Variants in ALG10 observed in about 807,000 individuals in gnomAD.
The protein encoded by ALG10 is ALG10 alpha-1,2-glucosyltransferase, also known as dol-P-Glc:Glc(2)Man(9)GlcNAc(2)-PP-Dol alpha-1,2-glucosyltransferase A.
Under a neutral mutation model 39.2 loss-of-function variants are expected in ALG10, and 25 were observed. That is an observed-to-expected ratio of 0.64 (90% CI 0.46 to 0.89). The LOEUF (loss-of-function observed/expected upper bound fraction) is 0.89, where lower values mean the gene tolerates loss of function less well. Among genes scored for constraint, ALG10 ranks in the 40% least tolerant of loss-of-function variants. The probability of loss-of-function intolerance (pLI) is 0.00; values close to 1 mark genes in which losing one functional copy is unlikely to be tolerated. For missense variants in ALG10, 486 were observed against 546.6 expected, an observed-to-expected ratio of 0.89 and a Z score of 1.11; for synonymous variants, 184 against 193.9, an observed-to-expected ratio of 0.95 and a Z score of 0.42.
intron 1 of ALG10, chr12:34,023,583 G>T: frequency 3.1e-6 from 1 of 323,402 alleles, no homozygotes; most frequent in Non-Finnish European, 5.9e-6. Flanking sequence ...TATGTTAGCT[G>T]TCATCATGGA....
chr12:34,027,066 A>G lies in ALG10; in HGVS notation c.*151A>G, dbSNP rs1016758974. 5.1e-6 allele frequency: 4 copies of G among 787,656 alleles called. No homozygotes were observed. In the African/African-American group the frequency reaches 7.2e-5, roughly 14 times the overall value. The allele number at this position is 787,656 out of a possible 1,614,324, so 48.8% of individuals were successfully genotyped here. On this transcript the variant is annotated 3_prime_UTR_variant, in exon 3 of 3. Transcript: ENST00000266483. ...TTTTTTTTATATATATTTTAAACATATGTAAGAAATTAAGTGGCAAAGAAC... is the reference window on the plus strand; with the variant it reads ...TTTTTTTTATATATATTTTAAACATGTGTAAGAAATTAAGTGGCAAAGAAC...
In ALG10 at chr12:34,026,791, C is replaced by T. The variant is rs1284029307; in HGVS notation, c.1298C>T (p.Pro433Leu). ...VIYRLNIPLP[P>L]TSRLICELSC... Reference sequence around the variant, plus strand: ...TATAGGCTTAACATACCTCTGCCTCCCACATCCAGACTCATTTGTGAACTG... The same window carrying T: ...TATAGGCTTAACATACCTCTGCCTCTCACATCCAGACTCATTTGTGAACTG... Residue 433 changes from proline (P) to leucine (L), a missense_variant, in exon 3 of 3, where the codon CCC (proline) becomes CTC (leucine). Coordinates refer to ENST00000266483, the MANE Select transcript of ALG10 (RefSeq NM_032834.4). 5 of 1,613,952 alleles carry T rather than the reference C, an allele frequency of 3.1e-6. No homozygotes were observed. The highest frequency in any genetic ancestry group is 4.2e-6 in the Non-Finnish European group (5 of 1,179,890).
At chr12:34,025,419 A>G (rs1412589861) in intron 2 of ALG10, among the ~76,000 whole-genome samples, 1 of 152,188 alleles carries the variant, frequency 6.6e-6, no homozygotes, top group East Asian at 1.9e-4. Flanking sequence ...TCCCTTGTGT[A>G]GAGTTATGAA....
Position 34,026,179 on chromosome 12 carries a change from A to C in ALG10, c.686A>C (p.Glu229Ala). The stretch of plus-strand genomic sequence containing the variant: ...CCACCTATTAAAGGACCATTTGCAG[A>C]ATTCAGAAAAATTCTTCAGTTTCTT... ...RLPPIKGPFA[E>A]FRKILQFLLA... Residue 229 changes from glutamate to alanine, a missense_variant, in exon 3 of 3, where the codon GAA (glutamate) becomes GCA (alanine). Coordinates refer to ENST00000266483, the MANE Select transcript of ALG10 (RefSeq NM_032834.4). 3 of 1,614,082 alleles carry C rather than the reference A, an allele frequency of 1.9e-6. No individual in the cohort carries two copies.
At chr12:34,024,903 T>C (rs1942814860) in intron 2 of ALG10, among the ~76,000 whole-genome samples, 3 of 152,014 alleles carry the variant, frequency 2.0e-5, no homozygotes, top group Admixed American at 2.0e-4. Context: ...GAGGGGAGTA[T>C]GTGGCATTTG....
At chr12:34,022,484 C>T (rs1297525877), upstream of ALG10, 30 of 1,534,000 alleles carry the variant, frequency 2.0e-5, no homozygotes, top group Non-Finnish European at 2.2e-5. Flanking sequence ...CGGTATGTGG[C>T]CCCGTCTGGC....
chr12:34,023,834 A>C (rs1942804384), intron 1 of ALG10, 128 bp from the exon 2 acceptor site: 1 of 1,284,084 alleles, frequency 7.8e-7, no homozygotes, highest in East Asian at 2.3e-5. Flanking sequence ...GGACTTACTT[A>C]ATCTTGTCAT....
rs1565603743 is a variant in ALG10 at position 34,026,742 on chromosome 12, T to C, written c.1249T>C (p.Tyr417His). 1 of 1,613,974 alleles carries C rather than the reference T, an allele frequency of 6.2e-7. No homozygotes were observed. The highest frequency in any genetic ancestry group is 2.2e-5 in the East Asian group (1 of 44,854). ...IVPQKLLEFR[Y>H]FILPYVIYRL... is the part of the protein sequence containing the mutation. ...TCCTCAGAAACTGCTGGAATTTCGT[T>C]ACTTCATTTTACCTTATGTCATTTA... The change falls in exon 3 of 3, where the codon TAC becomes CAC. Residue 417 changes from tyrosine (Y) to histidine (H), a missense_variant. Coordinates refer to ENST00000266483, the MANE Select transcript of ALG10 (RefSeq NM_032834.4).
At position 34,023,812 on chromosome 12, in the gene ALG10, C is replaced by A. The variant is rs4931788; in HGVS notation, c.172-150C>A. 4.6e-6 allele frequency: 5 copies of A among 1,088,692 alleles called. No individual in the cohort carries two copies. In the East Asian group the frequency reaches 1.2e-4, roughly 27 times the overall value. The allele number at this position is 1,088,692 out of a possible 1,614,324, so 67.4% of individuals were successfully genotyped here. ...GGGCAAAAAATAAGAAAAACGAATC[C>A]TGTTCTGCCAAGGACTTACTTAATC... On this transcript the variant is annotated intron_variant, in intron 1 of 2. Transcript: ENST00000266483.
rs774478138 is a variant in ALG10 at position 34,026,096 on chromosome 12, T to C, written c.603T>C (p.Ile201=). 2 of 1,614,118 alleles carry C rather than the reference T, an allele frequency of 1.2e-6. No individual in the cohort carries two copies. The highest frequency in any genetic ancestry group is 2.2e-5 in the South Asian group (2 of 91,082). ...IWAVFCAGNV[I]AQKLTEAWKT... The stretch of plus-strand genomic sequence containing the variant: ...CTGTCTTCTGTGCAGGAAATGTCAT[T>C]GCACAAAAGTTAACGGAGGCTTGGA... Residue 201 remains isoleucine (I), a synonymous_variant, in exon 3 of 3, where the codon ATT becomes ATC. Coordinates refer to ENST00000266483, the MANE Select transcript of ALG10 (RefSeq NM_032834.4).
intron 2 of ALG10, among the ~76,000 whole-genome samples, chr12:34,025,305 G>C (rs1942818656): frequency 6.6e-6 from 1 of 152,158 alleles, no homozygotes; most frequent in Admixed American, 6.5e-5. Flanking sequence ...TATAACTTTA[G>C]ACAGGCTCAC....
Position 34,026,087 on chromosome 12 carries a change from A to G in ALG10, c.594A>G (p.Gly198=), listed in dbSNP as rs1192870178. ...TCATCTGGGCTGTCTTCTGTGCAGG[A>G]AATGTCATTGCACAAAAGTTAACGG... ...TNIIWAVFCA[G]NVIAQKLTEA... is the part of the protein sequence containing the mutation. Residue 198 remains glycine, a synonymous_variant, in exon 3 of 3, where the codon GGA becomes GGG. Transcript: ENST00000266483. 2 of 1,614,110 alleles carry G rather than the reference A, an allele frequency of 1.2e-6. No individual in the cohort carries two copies. The highest frequency in any genetic ancestry group is 1.1e-5 in the South Asian group (1 of 91,080).
rs1025501772 is a variant in ALG10 at position 34,026,585 on chromosome 12, A to G, written c.1092A>G (p.Gln364=). The G allele has an allele frequency of 2.5e-6, 4 of 1,613,812 alleles. No homozygotes were observed. Among genetic ancestry groups the G allele is most frequent in the Non-Finnish European group, 3.4e-6 (4 of 1,179,904 alleles). Reference sequence around the variant, plus strand: ...TCTATGTGTGGAAAAGAGTTTTTCAAAGATATGAAACTGTAAAATATTTGT... The same window carrying G: ...TCTATGTGTGGAAAAGAGTTTTTCAGAGATATGAAACTGTAAAATATTTGT... The part of the protein sequence containing the change: ...YTFYVWKRVF[Q]RYETVKYLLV... Residue 364 remains glutamine, a synonymous_variant, in exon 3 of 3, where the codon CAA becomes CAG. Transcript: ENST00000266483.
rs1277639824 is a variant in ALG10 at position 34,026,130 on chromosome 12, C to G, written c.637C>G (p.Leu213Val). The G allele has an allele frequency of 1.2e-6, 2 of 1,614,022 alleles. No individual in the cohort carries two copies. Among genetic ancestry groups the G allele is most frequent in the Middle Eastern group, 1.6e-4 (1 of 6,062 alleles). Residue 213 changes from leucine to valine, a missense_variant, in exon 3 of 3, where the codon CTA becomes GTA. Leu to Val is a conservative substitution (Grantham distance 32). Transcript: ENST00000266483. ...GTTAACGGAGGCTTGGAAAACTGAG[C>G]TACAAAAGAAGGAAGACAGACTTCC... The part of the protein sequence containing the change: ...QKLTEAWKTE[L>V]QKKEDRLPPI...
rs1388038469 is a variant in ALG10, at chr12:34,027,392, G to C, written c.*477G>C. The C allele has an allele frequency of 6.6e-6, 1 of 152,530 alleles. No homozygotes were observed. Among genetic ancestry groups the C allele is most frequent in the East Asian group, 1.9e-4 (1 of 5,190 alleles). 9.4% of individuals were successfully genotyped at this position (152,530 alleles called of 1,614,324 possible). A position where few individuals can be genotyped will look rare whatever the true frequency, so the allele number is the denominator to read the frequency against. The stretch of plus-strand genomic sequence containing the variant: ...ATTAGCAAATATTTACAAATGGTCA[G>C]GTGATATTCTTGATTGAAAAGTTGC... On this transcript the variant is annotated 3_prime_UTR_variant, in exon 3 of 3. Transcript: ENST00000266483.
In ALG10 at chr12:34,026,994, A is replaced by G; in HGVS notation, c.*79A>G. 6.7e-7 allele frequency: 1 copy of G among 1,488,732 alleles called. No homozygotes were observed. The highest frequency in any genetic ancestry group is 1.3e-5 in the South Asian group (1 of 75,438). The allele number at this position is 1,488,732 out of a possible 1,614,324, so 92.2% of individuals were successfully genotyped here. On this transcript the variant is annotated 3_prime_UTR_variant, in exon 3 of 3. Transcript: ENST00000266483. Reference sequence around the variant, plus strand: ...CAAAGAACAACTGAATAGGTGGAAAACATGGAATTTCTTTTAGGTGCAGTG... The same window carrying G: ...CAAAGAACAACTGAATAGGTGGAAAGCATGGAATTTCTTTTAGGTGCAGTG...
At position 34,026,768 on chromosome 12, in the gene ALG10, T is replaced by C; in HGVS notation, c.1275T>C (p.Tyr425=). ...FRYFILPYVI[Y]RLNIPLPPTS... is the part of the protein sequence containing the mutation. ...ACTTCATTTTACCTTATGTCATTTA[T>C]AGGCTTAACATACCTCTGCCTCCCA... Residue 425 remains tyrosine (Y), a synonymous_variant, in exon 3 of 3, where the codon TAT becomes TAC. Transcript: ENST00000266483. 6.2e-7 allele frequency: 1 copy of C among 1,613,978 alleles called. No individual in the cohort carries two copies. The highest frequency in any genetic ancestry group is 1.1e-5 in the South Asian group (1 of 91,080).
Position 34,028,214 on chromosome 12 carries a change from G to A in ALG10, c.*1299G>A, listed in dbSNP as rs926952902. 6 of 150,696 alleles carry A rather than the reference G, an allele frequency of 4.0e-5. No homozygotes were observed. Among genetic ancestry groups the A allele is most frequent in the African/African-American group, 1.5e-4 (6 of 40,104 alleles). The allele number at this position is 150,696 out of a possible 1,614,324, so 9.3% of individuals were successfully genotyped here. A position where few individuals can be genotyped will look rare whatever the true frequency, so the allele number is the denominator to read the frequency against. On this transcript the variant is annotated 3_prime_UTR_variant, in exon 3 of 3. Coordinates refer to ENST00000266483, the MANE Select transcript of ALG10 (RefSeq NM_032834.4). ...TTTTTTTATTATATATCAAATTATA[G>A]TTGTATATACTTATGAGAAACAAAG...
rs759990044 is a variant in ALG10, at chr12:34,026,474, T to C, written c.981T>C (p.Phe327=). 3.7e-6 allele frequency: 6 copies of C among 1,614,040 alleles called. No individual in the cohort carries two copies. Among genetic ancestry groups the C allele is most frequent in the Non-Finnish European group, 5.1e-6 (6 of 1,179,954 alleles). The change falls in exon 3 of 3, where the codon TTT becomes TTC. Residue 327 remains phenylalanine, a synonymous_variant. Coordinates refer to ENST00000266483, the MANE Select transcript of ALG10 (RefSeq NM_032834.4). ...SLVWKRRILF[F]VVTLVSVFLV... ...TTTGGAAACGTAGAATTCTGTTTTTTGTGGTTACCTTAGTCTCTGTGTTTT... is the reference window on the plus strand; with the variant it reads ...TTTGGAAACGTAGAATTCTGTTTTTCGTGGTTACCTTAGTCTCTGTGTTTT...
Sources: gnomAD v4.1 joint callset for allele counts (sites outside exome capture counted in the v4.1 genomes callset) on GRCh38, gnomAD v4.1.1 for gene constraint, MANE v1.5 for transcripts, NCBI Gene and HGNC (gene_info 2026-07-23, HGNC 2026-07-21) for gene names.